Variants in ZNF420 observed in about 807,000 individuals in gnomAD.
The protein encoded by ZNF420 is zinc finger protein 420, also known as ATM and p53-associated KZNF protein.
Under a neutral mutation model 44.7 loss-of-function variants are expected in ZNF420, and 31 were observed. That is an observed-to-expected ratio of 0.69 (90% CI 0.52 to 0.94). The LOEUF (loss-of-function observed/expected upper bound fraction) is 0.94, where lower values mean the gene tolerates loss of function less well. Among genes scored for constraint, ZNF420 ranks in the 40% least tolerant of loss-of-function variants. The probability of loss-of-function intolerance (pLI) is 0.00; values close to 1 mark genes in which losing one functional copy is unlikely to be tolerated. For missense variants in ZNF420, 681 were observed against 827.9 expected (o/e 0.82, Z 2.18); for synonymous variants, 245 against 267.4 (o/e 0.92, Z 0.82).
chr19:37,126,132 C>T (rs1971334205), intron 4 of ZNF420, among the ~76,000 whole-genome samples: 1 of 152,230 alleles, frequency 6.6e-6, no homozygotes, highest in African/African-American at 2.4e-5. Context: ...TGGCTTCACT[C>T]AGGTGCCTTT....
At chr19:37,068,251 G>T (rs1968001859) in intron 1 of ZNF420, among the ~76,000 whole-genome samples, 4 of 152,094 alleles carry the variant, frequency 2.6e-5, no homozygotes, top group South Asian at 4.1e-4. Flanking sequence ...AGCAGAAAAG[G>T]TTGGGGAGGG....
At chr19:37,111,276 G>A (rs1051536593) in intron 4 of ZNF420, among the ~76,000 whole-genome samples, 8 of 152,172 alleles carry the variant, frequency 5.3e-5, no homozygotes, top group East Asian at 1.9e-4. Flanking sequence ...GTTGCCTCTC[G>A]GGTTAATATT....
chr19:37,015,393 A>G (rs1425964493), intron 1 of ZNF420, among the ~76,000 whole-genome samples: 1 of 152,134 alleles, frequency 6.6e-6, no homozygotes, highest in African/African-American at 2.4e-5. Flanking sequence ...GATGAGCACA[A>G]CACACCCAAG....
At chr19:37,049,090 C>T (rs1967594046) in intron 1 of ZNF420, among the ~76,000 whole-genome samples, 1 of 152,026 alleles carries the variant, frequency 6.6e-6, no homozygotes, top group African/African-American at 2.4e-5. Context: ...TGTATATGTG[C>T]CACATTTTCT....
rs1555771626 is a variant in ZNF420, at chr19:37,126,995, A to AT, written c.137-132dup. Reference sequence around the variant, plus strand: ...GGTTGTGATGTGAAAGGTAGGTATTATATGTCATAATAATCAATATTTGAA... The same window carrying AT: ...GGTTGTGATGTGAAAGGTAGGTATTATTATGTCATAATAATCAATATTTGAA... On this transcript the variant is annotated intron_variant, in intron 4 of 4. Transcript: ENST00000337995. 7.9e-3 allele frequency: 5,507 copies of AT among 697,928 alleles called. 144 individuals are homozygous for AT. The highest frequency in any genetic ancestry group is 0.049 in the Admixed American group (1,329 of 27,390). 43.2% of individuals were successfully genotyped at this position (697,928 alleles called of 1,614,324 possible). A position where few individuals can be genotyped will look rare whatever the true frequency, so the allele number is the denominator to read the frequency against.
chr19:37,108,117 C>CA (rs1246323657), intron 4 of ZNF420, among the ~76,000 whole-genome samples: 1 of 152,136 alleles, frequency 6.6e-6, no homozygotes. Flanking sequence ...TGAATTCCAC[C>CA]ATCTTGTAGA....
rs540300881 is a variant in ZNF420 at position 37,090,863 on chromosome 19, C to T, written c.10-132C>T. On this transcript the variant is annotated intron_variant, in intron 3 of 4. Coordinates refer to ENST00000337995, the MANE Select transcript of ZNF420 (RefSeq NM_144689.5). Reference sequence around the variant, plus strand: ...TGAACCTAGGAGGCGGAGGTTGCAGCGTGCCGAGATCGCGCCACTGCACTC... The same window carrying T: ...TGAACCTAGGAGGCGGAGGTTGCAGTGTGCCGAGATCGCGCCACTGCACTC... 386 of 820,076 alleles carry T rather than the reference C, an allele frequency of 4.7e-4. 5 individuals are homozygous for T. In the South Asian group the frequency reaches 6.6e-3, roughly 14 times the overall value. 50.8% of individuals were successfully genotyped at this position (820,076 alleles called of 1,614,324 possible). A position where few individuals can be genotyped will look rare whatever the true frequency, so the allele number is the denominator to read the frequency against.
At chr19:37,113,702 C>A (rs1427539046) in intron 4 of ZNF420, among the ~76,000 whole-genome samples, 1 of 152,136 alleles carries the variant, frequency 6.6e-6, no homozygotes, top group African/African-American at 2.4e-5. Context: ...GCAGATAGGT[C>A]TAACTTGCTC....
At chr19:37,087,706 C>T (rs1399423450) in intron 2 of ZNF420, among the ~76,000 whole-genome samples, 3 of 152,126 alleles carry the variant, frequency 2.0e-5, no homozygotes, top group Non-Finnish European at 4.4e-5. Flanking sequence ...AGTGCAGTGG[C>T]GCGATCTCGG....
intron 2 of ZNF420, among the ~76,000 whole-genome samples, 158 bp downstream of exon 2, chr19:37,080,546 G>A (rs1327618308): frequency 6.6e-6 from 1 of 152,204 alleles, no homozygotes; most frequent in Non-Finnish European, 1.5e-5. Flanking sequence ...AATCGGGATA[G>A]ATGCTTCCCC....
chr19:37,073,194 G>A (rs1044529706), intron 1 of ZNF420, among the ~76,000 whole-genome samples: 1 of 152,036 alleles, frequency 6.6e-6, no homozygotes, highest in Non-Finnish European at 1.5e-5. Context: ...GTGACAGAGC[G>A]AGACCCCATC....
At chr19:37,060,366 C>T (rs1374775782) in intron 1 of ZNF420, among the ~76,000 whole-genome samples, 1 of 151,494 alleles carries the variant, frequency 6.6e-6, no homozygotes, top group Non-Finnish European at 1.5e-5. Context: ...GAATGCTGGC[C>T]TCTTTGGACA....
chr19:37,086,708 A>G (rs780352509), intron 2 of ZNF420, among the ~76,000 whole-genome samples: 9 of 151,892 alleles, frequency 5.9e-5, no homozygotes. Flanking sequence ...TGATGAGTTG[A>G]TCCTCCTTAT....
intron 4 of ZNF420, among the ~76,000 whole-genome samples, chr19:37,119,053 C>T (rs1331813004): frequency 3.3e-5 from 5 of 152,300 alleles, no homozygotes; most frequent in Admixed American, 1.3e-4. Context: ...CAACATTACA[C>T]AGATCAGCAA....
intron 4 of ZNF420, among the ~76,000 whole-genome samples, chr19:37,104,033 A>G (rs1969931328): frequency 6.7e-6 from 1 of 148,232 alleles, no homozygotes. Context: ...CACAACGTGC[A>G]GGTTTGTTAC....
intron 1 of ZNF420, among the ~76,000 whole-genome samples, chr19:37,023,215 C>T (rs529298247): frequency 6.6e-6 from 1 of 152,248 alleles, no homozygotes; most frequent in East Asian, 1.9e-4. Context: ...GATGACTTTT[C>T]ATCAATTTAA....
At chr19:37,024,448 T>TTTTG (rs201832889) in intron 1 of ZNF420, among the ~76,000 whole-genome samples, 2 of 151,988 alleles carry the variant, frequency 1.3e-5, no homozygotes, top group African/African-American at 4.8e-5. Context: ...AAAGGGATTT[T>TTTTG]TTTGTTTGTT....
At chr19:37,023,521 A>G (rs1004870587) in intron 1 of ZNF420, among the ~76,000 whole-genome samples, 1 of 151,964 alleles carries the variant, frequency 6.6e-6, no homozygotes, top group African/African-American at 2.4e-5. Flanking sequence ...GCACGTCACC[A>G]TGCCCAGCTA....
intron 1 of ZNF420, among the ~76,000 whole-genome samples, chr19:37,056,473 T>C (rs1467348720): frequency 6.6e-6 from 1 of 152,166 alleles, no homozygotes; most frequent in Non-Finnish European, 1.5e-5. Flanking sequence ...TGGCTCCACC[T>C]TGGACTCGCC....
Sources: gnomAD v4.1 joint callset for allele counts (sites outside exome capture counted in the v4.1 genomes callset) on GRCh38, gnomAD v4.1.1 for gene constraint, MANE v1.5 for transcripts, NCBI Gene and HGNC (gene_info 2026-07-23, HGNC 2026-07-21) for gene names.